SLIT2: variants seen among roughly 807,000 people sequenced by gnomAD.
SLIT2 encodes slit guidance ligand 2.
A neutral mutation model predicts 185.7 loss-of-function variants in SLIT2; 41 were observed. The ratio of observed to expected loss-of-function variants is 0.22; its 90% CI spans 0.17 to 0.29. The LOEUF is 0.29. SLIT2 is among the 10% of genes least tolerant of loss of function. The pLI is 1.00. For synonymous variants in SLIT2, 693 were observed against 680.2 expected, an observed-to-expected ratio of 1.02 and a Z score of -0.29; for missense variants, 1,571 against 1,909.0, an observed-to-expected ratio of 0.82 and a Z score of 3.30.
At chr4:20,522,712 T>C (rs1053691785) in intron 12 of SLIT2, among the ~76,000 whole-genome samples, 1 of 152,128 alleles carries the variant, frequency 6.6e-6, no homozygotes, top group Non-Finnish European at 1.5e-5. Flanking sequence ...TGGGGAATTA[T>C]GTTAAAAAGT....
intron 4 of SLIT2, among the ~76,000 whole-genome samples, chr4:20,366,530 A>AACC (rs1350151554): frequency 1.3e-5 from 2 of 152,030 alleles, no homozygotes; most frequent in African/African-American, 4.8e-5. Context: ...ATCTCACCCA[A>AACC]ACCATATGTG....
At chr4:20,407,468 T>C (rs1441930245) in intron 4 of SLIT2, among the ~76,000 whole-genome samples, 1 of 152,168 alleles carries the variant, frequency 6.6e-6, no homozygotes, top group Non-Finnish European at 1.5e-5. Flanking sequence ...TATTTATCCT[T>C]GACTTACCAA....
chr4:20,496,387 G>T (rs1560475668), intron 9 of SLIT2, among the ~76,000 whole-genome samples: 1 of 152,198 alleles, frequency 6.6e-6, no homozygotes, highest in Non-Finnish European at 1.5e-5. Context: ...ATGTTGGATT[G>T]CAGTTGGATC....
intron 16 of SLIT2, among the ~76,000 whole-genome samples, 161 bp from the exon 17 acceptor site, chr4:20,531,823 G>GA: frequency 6.6e-6 from 1 of 151,162 alleles, no homozygotes; most frequent in South Asian, 2.1e-4. Context: ...AATAAAATGA[G>GA]AAAAAATATC....
At position 20,618,776 on chromosome 4, in the gene SLIT2, TG is replaced by T; in HGVS notation, c.4358del (p.Cys1453PhefsTer6). The T allele has an allele frequency of 6.3e-7, 1 of 1,584,100 alleles. No homozygotes were observed. The highest frequency in any genetic ancestry group is 8.6e-7 in the Non-Finnish European group (1 of 1,157,898). On this transcript the variant is annotated frameshift_variant, in exon 37 of 37. Coordinates refer to ENST00000504154, the MANE Select transcript of SLIT2 (RefSeq NM_004787.4). LOFTEE classifies it high-confidence loss of function. ...TTTTTGTTCTTTTCTAGAAATCTCT[TG>T]TCGAGGGGAAAGGATAAGAGATTAT... ...TGDSCDREIS[C>X]RGERIRDYYQ...
At chr4:20,540,945 C>T (rs1383570632) in intron 19 of SLIT2, among the ~76,000 whole-genome samples, 2 of 152,126 alleles carry the variant, frequency 1.3e-5, no homozygotes, top group African/African-American at 4.8e-5. Flanking sequence ...ACTCAGCTGT[C>T]AGTTTAGATG....
intron 34 of SLIT2, among the ~76,000 whole-genome samples, chr4:20,610,835 A>G (rs935487512): frequency 1.3e-5 from 2 of 152,334 alleles, no homozygotes; most frequent in East Asian, 3.9e-4. Context: ...ACTTGAAATC[A>G]TAGAGTGAAG....
chr4:20,526,154 T>C (rs1263086124), intron 15 of SLIT2, among the ~76,000 whole-genome samples: 1 of 152,172 alleles, frequency 6.6e-6, no homozygotes, highest in Non-Finnish European at 1.5e-5. Context: ...TTAGTCTAAC[T>C]TTCCATATTT....
At chr4:20,268,685 G>A in intron 3 of SLIT2, 125 bp from the exon 4 acceptor site, 1 of 719,128 alleles carries the variant, frequency 1.4e-6, no homozygotes, top group Non-Finnish European at 2.5e-6. Context: ...TGCAATGCTT[G>A]AATTCTCCTG....
Position 20,528,175 on chromosome 4 carries a change from T to A in SLIT2, c.1463-774T>A. On this transcript the variant is annotated intron_variant, in intron 15 of 36. Transcript: ENST00000504154. The surrounding 1 kb of genome is among the most constrained non-coding windows in gnomAD (Gnocchi z 4.2). ...ATAAACATTCTGCGGGAAGAATGCATGTCATGTAAACAGTATTACGTTTCC... is the reference window on the plus strand; with the variant it reads ...ATAAACATTCTGCGGGAAGAATGCAAGTCATGTAAACAGTATTACGTTTCC... The A allele has an allele frequency of 2.0e-6, 1 of 497,464 alleles. No individual in the cohort carries two copies. The highest frequency in any genetic ancestry group is 4.1e-6 in the Non-Finnish European group (1 of 241,224). 30.8% of individuals were successfully genotyped at this position (497,464 alleles called of 1,614,324 possible).
chr4:20,400,521 A>G (rs1385084283), intron 4 of SLIT2, among the ~76,000 whole-genome samples: 1 of 151,758 alleles, frequency 6.6e-6, no homozygotes, highest in Non-Finnish European at 1.5e-5. Flanking sequence ...GGAGTTCATA[A>G]GTTGAGCATG....
At chr4:20,371,167 C>A (rs1382309169) in intron 4 of SLIT2, among the ~76,000 whole-genome samples, 4 of 151,976 alleles carry the variant, frequency 2.6e-5, no homozygotes. Context: ...AGATGTTACC[C>A]AGACCTTATA....
intron 4 of SLIT2, among the ~76,000 whole-genome samples, chr4:20,313,387 A>G (rs1316237655): frequency 1.3e-5 from 2 of 152,098 alleles, no homozygotes; most frequent in African/African-American, 4.8e-5. Flanking sequence ...GAGAAGTCAG[A>G]GCCAGAATCC....
At chr4:20,499,575 C>T (rs1010372847) in intron 9 of SLIT2, among the ~76,000 whole-genome samples, 4 of 152,006 alleles carry the variant, frequency 2.6e-5, no homozygotes, top group Admixed American at 6.6e-5. Flanking sequence ...CTGCAAGGTC[C>T]GCCTCCTGGG....
At position 20,289,625 on chromosome 4, in the gene SLIT2, C is replaced by A. The variant is rs577835975; in HGVS notation, c.395+20744C>A. Among the ~76,000 whole-genome samples, 3 of 152,254 alleles carry A rather than the reference C, an allele frequency of 2.0e-5. No homozygotes were observed. In the South Asian group the frequency reaches 6.2e-4, roughly 32 times the overall value. ...CCCTATGGTGCAGATGCTATTTGTG[C>A]AATTTTAGAGATCTCTTTATCTGCC... On this transcript the variant is annotated intron_variant, in intron 4 of 36. Coordinates refer to ENST00000504154, the MANE Select transcript of SLIT2 (RefSeq NM_004787.4).
intron 18 of SLIT2, among the ~76,000 whole-genome samples, 164 bp downstream of exon 18, chr4:20,533,879 T>C (rs1092406): frequency 0.2 from 29,673 of 151,400 alleles, 3,354 homozygotes; most frequent in Middle Eastern, 0.33. Context: ...CACACACACA[T>C]GTATTGTGAA....
intron 4 of SLIT2, among the ~76,000 whole-genome samples, chr4:20,308,824 A>G (rs1717814935): frequency 6.6e-6 from 1 of 152,216 alleles, no homozygotes; most frequent in South Asian, 2.1e-4. Context: ...ACATATGTAC[A>G]TACAAACAAA....
chr4:20,326,880 A>C (rs1281586802), intron 4 of SLIT2, among the ~76,000 whole-genome samples: 3 of 149,870 alleles, frequency 2.0e-5, no homozygotes, highest in Admixed American at 6.8e-5. Context: ...TAATGTGCTC[A>C]TTAAATAATA....
intron 29 of SLIT2, among the ~76,000 whole-genome samples, chr4:20,585,051 T>A (rs183773221): frequency 1.3e-5 from 2 of 151,784 alleles, no homozygotes; most frequent in Admixed American, 1.3e-4. Flanking sequence ...CAAGACTCTA[T>A]CTCAAAAAAA....
Sources: allele counts gnomAD v4.1 joint callset (sites outside exome capture counted in the v4.1 genomes callset), GRCh38; gene constraint gnomAD v4.1.1; non-coding constraint Gnocchi (gnomAD v3.1); transcripts MANE v1.5; gene names NCBI Gene and HGNC (gene_info 2026-07-23, HGNC 2026-07-21).